SV2C: variants seen among roughly 807,000 people sequenced by gnomAD.
The protein encoded by SV2C is solute carrier family 22 member B3.
SV2C carries 49 observed loss-of-function variants against 79.7 expected under a neutral mutation model. The observed-to-expected ratio is 0.61, with a 90% confidence interval of 0.49 to 0.78. SV2C has a LOEUF of 0.78. SV2C is among the 30% of genes least tolerant of loss of function. The pLI is 0.00. For missense variants in SV2C, 833 were observed against 912.9 expected (o/e 0.91, Z 1.13); for synonymous variants, 334 against 333.2 (o/e 1.00, Z -0.03).
intron 2 of SV2C, among the ~76,000 whole-genome samples, chr5:76,183,236 G>C (rs1743808773): frequency 6.6e-6 from 1 of 151,526 alleles, no homozygotes; most frequent in Non-Finnish European, 1.5e-5. Flanking sequence ...TGTTGGCCAG[G>C]CTGGTCTCAA....
intron 4 of SV2C, among the ~76,000 whole-genome samples, chr5:76,280,302 A>C (rs1243343191): frequency 6.6e-6 from 1 of 152,026 alleles, no homozygotes; most frequent in Non-Finnish European, 1.5e-5. Flanking sequence ...ACACTAAGCA[A>C]TGAAGGAGAG....
intron 2 of SV2C, among the ~76,000 whole-genome samples, chr5:76,157,388 G>T (rs971143033): frequency 3.9e-5 from 6 of 151,964 alleles, no homozygotes; most frequent in African/African-American, 1.4e-4. Context: ...GTTTCTAACA[G>T]ATCTGCCTTA....
the SV2C span, among the ~76,000 whole-genome samples, chr5:75,854,079 A>T: frequency 6.6e-6 from 1 of 151,488 alleles, no homozygotes. Context: ...TTCTTTCACA[A>T]TAGGTTTGAT....
intron 12 of SV2C, among the ~76,000 whole-genome samples, chr5:76,340,178 AAG>A (rs951146787): frequency 5.9e-5 from 9 of 152,222 alleles, no homozygotes; most frequent in African/African-American, 2.2e-4. Context: ...TATGGTCTAA[AAG>A]GGGGAGGAAC....
intron 1 of SV2C, among the ~76,000 whole-genome samples, chr5:76,103,059 A>G (rs1396445436): frequency 1.3e-5 from 2 of 152,226 alleles, no homozygotes; most frequent in Non-Finnish European, 2.9e-5. Flanking sequence ...CTGTTAGAGT[A>G]TCAGTCCATA....
At chr5:75,872,815 C>T in the SV2C span, among the ~76,000 whole-genome samples, 91 of 151,664 alleles carry the variant, frequency 6.0e-4, no homozygotes, top group Middle Eastern at 3.4e-3. Context: ...TGCTAAATGA[C>T]GAGTTAATGG....
intron 1 of SV2C, among the ~76,000 whole-genome samples, chr5:76,130,491 G>A (rs776638096): frequency 1.3e-5 from 2 of 152,152 alleles, no homozygotes; most frequent in Non-Finnish European, 2.9e-5. Flanking sequence ...TAGAAATGAC[G>A]ATTATATAAA....
chr5:75,885,792 A>G, the SV2C span, among the ~76,000 whole-genome samples: 1 of 152,040 alleles, frequency 6.6e-6, no homozygotes, highest in South Asian at 2.1e-4. Flanking sequence ...AGTAGGGTAA[A>G]CATCTCAGAC....
In SV2C at chr5:76,327,005, G is replaced by A. The variant is rs761220636; in HGVS notation, c.*1458G>A. The stretch of plus-strand genomic sequence containing the variant: ...ACAATATTCCTTTTTTAACTGCCTC[G>A]ATAGAGGTTTATTCTTGTTACTTAT... On this transcript the variant is annotated 3_prime_UTR_variant, in exon 13 of 13. Coordinates refer to ENST00000502798, the MANE Select transcript of SV2C (RefSeq NM_014979.4). 7.9e-5 allele frequency: 12 copies of A among 151,986 alleles called. No individual in the cohort carries two copies. The highest frequency in any genetic ancestry group is 1.5e-4 in the Non-Finnish European group (10 of 68,006). The allele number at this position is 151,986 out of a possible 1,614,324, so 9.4% of individuals were successfully genotyped here.
chr5:76,037,600 C>G, the SV2C span, among the ~76,000 whole-genome samples: 1 of 152,156 alleles, frequency 6.6e-6, no homozygotes, highest in Non-Finnish European at 1.5e-5. Context: ...GCAGTCTGCC[C>G]GTTCTCAGAT....
the SV2C span, among the ~76,000 whole-genome samples, chr5:75,933,300 T>A: frequency 6.6e-6 from 1 of 152,244 alleles, no homozygotes; most frequent in Non-Finnish European, 1.5e-5. Context: ...ATATATTCAC[T>A]TGCTTACTCA....
intron 4 of SV2C, among the ~76,000 whole-genome samples, chr5:76,217,934 C>T (rs1391290444): frequency 6.6e-6 from 1 of 152,252 alleles, no homozygotes; most frequent in East Asian, 1.9e-4. Flanking sequence ...GCTATCGTTC[C>T]CAGATAGAAA....
chr5:76,069,126 T>C, the SV2C span, among the ~76,000 whole-genome samples: 1 of 152,198 alleles, frequency 6.6e-6, no homozygotes, highest in African/African-American at 2.4e-5. Context: ...TTAGTTACAA[T>C]TGATCTTTTC....
At position 76,223,491 on chromosome 5, in the gene SV2C, A is replaced by ATATATGTATATG. The variant is rs1484994684; in HGVS notation, c.913+13610_913+13621dup. On this transcript the variant is annotated intron_variant, in intron 4 of 12. Transcript: ENST00000502798. ...TATATATATATATATATATATATAT[A>ATATATGTATATG]TATATGTATATGTATATAAAGATTT... Among the ~76,000 whole-genome samples, 7 of 37,488 alleles carry ATATATGTATATG rather than the reference A, an allele frequency of 1.9e-4. No individual in the cohort carries two copies. In the South Asian group the frequency reaches 3.7e-3, roughly 20 times the overall value. 24.6% of individuals were successfully genotyped at this position (37,488 alleles called of 152,430 possible).
chr5:76,020,435 T>TG, the SV2C span, among the ~76,000 whole-genome samples: 3 of 152,172 alleles, frequency 2.0e-5, no homozygotes, highest in Non-Finnish European at 4.4e-5. Flanking sequence ...TTGTAGAGAA[T>TG]GGGGGGCATA....
intron 1 of SV2C, among the ~76,000 whole-genome samples, chr5:76,120,875 A>T (rs1748468221): frequency 6.6e-6 from 1 of 150,986 alleles, no homozygotes; most frequent in Admixed American, 6.6e-5. Flanking sequence ...TCCTTTGGGT[A>T]TATACCCAGT....
chr5:75,850,469 A>G, the SV2C span, among the ~76,000 whole-genome samples: 1 of 152,300 alleles, frequency 6.6e-6, no homozygotes, highest in South Asian at 2.1e-4. Flanking sequence ...ACATGAAATT[A>G]GATTTGTGAG....
At chr5:76,280,899 G>C (rs1747166166) in intron 4 of SV2C, 1 of 497,420 alleles carries the variant, frequency 2.0e-6, no homozygotes. Context: ...CGACAAGTGA[G>C]GGTCTGCTGT....
At chr5:75,911,770 G>A in the SV2C span, 3 of 599,882 alleles carry the variant, frequency 5.0e-6, no homozygotes, top group Admixed American at 1.9e-5. Context: ...CTCCTCGGAG[G>A]GCCAAGACCA....
Sources: allele counts gnomAD v4.1 joint callset (sites outside exome capture counted in the v4.1 genomes callset), GRCh38; gene constraint gnomAD v4.1.1; transcripts MANE v1.5; gene names NCBI Gene and HGNC (gene_info 2026-07-23, HGNC 2026-07-21).